The following BICDL2 variants were observed in gnomAD, a reference collection of about 807,000 sequenced individuals.
The protein encoded by BICDL2 is BICD family like cargo adaptor 2.
A neutral mutation model predicts 56.6 loss-of-function variants in BICDL2; 62 were observed. The ratio of observed to expected loss-of-function variants is 1.10; its 90% CI spans 0.89 to 1.35. The LOEUF is 1.35. BICDL2 is among the 40% of genes most tolerant of loss of function. The probability of loss-of-function intolerance (pLI) is 0.00; values close to 1 mark genes in which losing one functional copy is unlikely to be tolerated. For synonymous variants in BICDL2, 358 were observed against 319.8 expected (o/e 1.12, Z -1.27); for missense variants, 808 against 684.5 (o/e 1.18, Z -2.01).
intron 7 of BICDL2, 96 bp from the exon 8 acceptor site, chr16:3,028,926 T>G: frequency 7.0e-7 from 1 of 1,431,188 alleles, no homozygotes; most frequent in South Asian, 1.4e-5. Context: ...ACCCCTCCTC[T>G]GCCTGCGACA....
At chr16:3,036,703 A>C in intron 1 of BICDL2, 191 bp downstream of exon 1, 1 of 438,266 alleles carries the variant, frequency 2.3e-6, no homozygotes, top group Non-Finnish European at 4.5e-6. Flanking sequence ...CTCCAGCCCC[A>C]GGCGTCGGAA....
Position 3,035,176 on chromosome 16 carries a change from T to TCCCCCCCCCCCCCCCCCCCCC in BICDL2, c.282+38_282+39insGGGGGGGGGGGGGGGGGGGGG. ...CTCTCCAGGCCCACCCGTCCTCCCCTGCCCACCCACCCACCCACCCCGTCC... is the reference window on the plus strand; with the variant it reads ...CTCTCCAGGCCCACCCGTCCTCCCCTCCCCCCCCCCCCCCCCCCCCCGCCCACCCACCCACCCACCCCGTCC... On this transcript the variant is annotated intron_variant, in intron 2 of 9. Coordinates refer to ENST00000572449, the MANE Select transcript of BICDL2 (RefSeq NM_001369667.1). 1.9e-4 allele frequency: 26 copies of TCCCCCCCCCCCCCCCCCCCCC among 136,274 alleles called. 8 individuals are homozygous for TCCCCCCCCCCCCCCCCCCCCC. The highest frequency in any genetic ancestry group is 1.6e-3 in the South Asian group (8 of 4,918). The allele number at this position is 136,274 out of a possible 1,614,324, so 8.4% of individuals were successfully genotyped here.
At chr16:3,035,007 G>A (rs376220088) in intron 2 of BICDL2, 3 of 587,694 alleles carry the variant, frequency 5.1e-6, no homozygotes, top group Non-Finnish European at 9.0e-6. Context: ...ACTGTGCCCG[G>A]CACCCAGAGT....
Position 3,028,331 on chromosome 16 carries a change from C to T in BICDL2, c.1359+17G>A, listed in dbSNP as rs1449559209. On this transcript the variant is annotated intron_variant, in intron 9 of 9. Coordinates refer to ENST00000572449, the MANE Select transcript of BICDL2 (RefSeq NM_001369667.1). ...CCCGCCCCTTGCCCCGCCCCGCACA[C>T]GGGCCCCGCCCCTCACCTGCCAGGC... 8.4e-6 allele frequency: 13 copies of T among 1,541,958 alleles called. No homozygotes were observed. The highest frequency in any genetic ancestry group is 7.2e-5 in the East Asian group (3 of 41,514).
chr16:3,032,290 C>A (rs1156528544), intron 2 of BICDL2: 1 of 152,248 alleles, frequency 6.6e-6, no homozygotes, highest in Non-Finnish European at 1.5e-5. Flanking sequence ...AACTCTTAAC[C>A]GAATACTGCA....
intron 2 of BICDL2, chr16:3,034,903 G>A (rs1311913147): frequency 3.0e-6 from 1 of 333,742 alleles, no homozygotes; most frequent in Non-Finnish European, 5.5e-6. Context: ...TGTAGAGACA[G>A]AGTCTCACTA....
chr16:3,028,820 T>A lies in BICDL2; in HGVS notation c.1118A>T (p.Gln373Leu), dbSNP rs1955602555. 1.3e-6 allele frequency: 2 copies of A among 1,550,138 alleles called. No homozygotes were observed. The highest frequency in any genetic ancestry group is 2.7e-5 in the African/African-American group (2 of 73,450). The change falls in exon 8 of 10, where the codon CAG becomes CTG. Residue 373 changes from glutamine (Q) to leucine (L), a missense_variant. Gln to Leu is a moderately radical substitution (Grantham distance 113). Coordinates refer to ENST00000572449, the MANE Select transcript of BICDL2 (RefSeq NM_001369667.1). ...VAKLQDEISL[Q>L]QAELQSLREE... ...CCGCAGGGACTGCAGCTCTGCCTGC[T>A]GCAGCGAGATCTGTGAGCAGAGGAG...
intron 8 of BICDL2, 79 bp from the exon 9 acceptor site, chr16:3,028,547 C>T (rs575517481): frequency 5.4e-5 from 83 of 1,535,046 alleles, no homozygotes; most frequent in Non-Finnish European, 6.8e-5. Flanking sequence ...CTTCTGTACC[C>T]GGGCGGGAGG....
intron 2 of BICDL2, among the ~76,000 whole-genome samples, chr16:3,034,421 G>A (rs60610056): frequency 6.6e-6 from 1 of 152,122 alleles, no homozygotes; most frequent in East Asian, 1.9e-4. Context: ...TGGGACTACA[G>A]GCACACCCCA....
rs1175149559 is a variant in BICDL2, at chr16:3,028,173, C to T, written c.1460G>A (p.Arg487His). ...CCCGGGGCCCAGGCGCAGCGAGAAG[C>T]GGGGCGCGGCACGGCGCGGGGTCGA... Reference protein sequence around the residue: ...SSSTPRRAAPRFSLRLGPGPA... With the variant: ...SSSTPRRAAPHFSLRLGPGPA... Residue 487 changes from arginine to histidine, a missense_variant, in exon 10 of 10, where the codon CGC becomes CAC. Physicochemically the swap from Arg to His is conservative, Grantham distance 29 (BLOSUM62 0). Transcript: ENST00000572449. 6.9e-7 allele frequency: 1 copy of T among 1,450,980 alleles called. No homozygotes were observed. The highest frequency in any genetic ancestry group is 9.0e-7 in the Non-Finnish European group (1 of 1,111,202). 89.9% of individuals were successfully genotyped at this position (1,450,980 alleles called of 1,614,324 possible). A position where few individuals can be genotyped will look rare whatever the true frequency, so the allele number is the denominator to read the frequency against.
intron 1 of BICDL2, chr16:3,036,665 C>T (rs2151146698): frequency 2.2e-6 from 1 of 451,724 alleles, no homozygotes; most frequent in South Asian, 1.6e-5. Context: ...CCCTCCCCTT[C>T]CGCACCTAGC....
chr16:3,031,344 C>G, intron 2 of BICDL2, 194 bp from the exon 3 acceptor site: 1 of 599,874 alleles, frequency 1.7e-6, no homozygotes, highest in Non-Finnish European at 3.0e-6. Flanking sequence ...GGGAAGGTTC[C>G]GAGCAGACAG....
chr16:3,027,852 T>A lies in BICDL2; in HGVS notation c.*254A>T. ...TAAATACCCAGCCCCATCCCTGCCC[T>A]AGAAAAGATAGACGTATATTAATTC... On this transcript the variant is annotated 3_prime_UTR_variant, in exon 10 of 10. Coordinates refer to ENST00000572449, the MANE Select transcript of BICDL2 (RefSeq NM_001369667.1). 1 of 819,310 alleles carries A rather than the reference T, an allele frequency of 1.2e-6. No individual in the cohort carries two copies. Among genetic ancestry groups the A allele is most frequent in the Non-Finnish European group, 1.8e-6 (1 of 549,654 alleles). 50.8% of individuals were successfully genotyped at this position (819,310 alleles called of 1,614,324 possible). A position where few individuals can be genotyped will look rare whatever the true frequency, so the allele number is the denominator to read the frequency against.
intron 2 of BICDL2, chr16:3,032,127 T>A (rs1596483612): frequency 6.6e-6 from 1 of 152,006 alleles, no homozygotes; most frequent in Non-Finnish European, 1.5e-5. Context: ...AGAGACGGGG[T>A]TTCACCATGT....
At chr16:3,029,919 C>T in intron 5 of BICDL2, 180 bp from the exon 6 acceptor site, 1 of 570,608 alleles carries the variant, frequency 1.8e-6, no homozygotes, top group Non-Finnish European at 3.0e-6. Context: ...CGGATATATA[C>T]AGTTTCCTCG....
At chr16:3,029,823 G>C in intron 5 of BICDL2, 84 bp from the exon 6 acceptor site, 8 of 1,212,178 alleles carry the variant, frequency 6.6e-6, no homozygotes, top group Non-Finnish European at 8.9e-6. Flanking sequence ...CCACACGGGG[G>C]TGCCGCGGAG....
At chr16:3,036,701 C>G (rs1351913209) in intron 1 of BICDL2, 193 bp downstream of exon 1, 2 of 447,634 alleles carry the variant, frequency 4.5e-6, no homozygotes, top group African/African-American at 4.1e-5. Context: ...GCCTCCAGCC[C>G]CAGGCGTCGG....
rs1567419212 is a variant in BICDL2 at position 3,028,331 on chromosome 16, CG to C, written c.1359+16del. ...CCCGCCCCTTGCCCCGCCCCGCACA[CG>C]GGCCCCGCCCCTCACCTGCCAGGCC... On this transcript the variant is annotated intron_variant, in intron 9 of 9. Coordinates refer to ENST00000572449, the MANE Select transcript of BICDL2 (RefSeq NM_001369667.1). The C allele has an allele frequency of 1.3e-6, 2 of 1,542,072 alleles. No individual in the cohort carries two copies. Among genetic ancestry groups the C allele is most frequent in the South Asian group, 2.3e-5 (2 of 85,142 alleles).
chr16:3,029,513 C>T (rs770233287), intron 6 of BICDL2, 32 bp downstream of exon 6: 9 of 1,563,292 alleles, frequency 5.8e-6, no homozygotes, highest in Non-Finnish European at 7.7e-6. Flanking sequence ...CTCGATGGCA[C>T]AGGTAAGGGG....
Sources: gnomAD v4.1 joint callset for allele counts (sites outside exome capture counted in the v4.1 genomes callset) on GRCh38, gnomAD v4.1.1 for gene constraint, MANE v1.5 for transcripts, NCBI Gene and HGNC (gene_info 2026-07-23, HGNC 2026-07-21) for gene names.